SLC27A6: variants seen among roughly 807,000 people sequenced by gnomAD.
SLC27A6 encodes the protein long-chain fatty acid transport protein 6.
A neutral mutation model predicts 63.9 loss-of-function variants in SLC27A6; 74 were observed. The ratio of observed to expected loss-of-function variants is 1.16; its 90% CI spans 0.96 to 1.40. SLC27A6 has a LOEUF of 1.40. Among genes scored for constraint, SLC27A6 ranks in the 40% most tolerant of loss-of-function variants. SLC27A6 has a pLI of 0.00. For missense variants in SLC27A6, 794 were observed against 732.9 expected (o/e 1.08, Z -0.96); for synonymous variants, 287 against 260.8 (o/e 1.10, Z -0.97).
chr5:129,016,101 T>C (rs758666802), intron 5 of SLC27A6, 22 bp downstream of exon 5: 4 of 1,537,710 alleles, frequency 2.6e-6, no homozygotes, highest in South Asian at 2.4e-5. Flanking sequence ...ATTTTCCTTA[T>C]TAAAGAAATA....
intron 5 of SLC27A6, 64 bp downstream of exon 5, chr5:129,016,143 A>G: frequency 2.4e-6 from 3 of 1,230,168 alleles, no homozygotes; most frequent in Non-Finnish European, 3.4e-6. Context: ...CTGTAATCCC[A>G]ACACTTTGGG....
At chr5:129,031,923 G>C (rs544022474) in intron 9 of SLC27A6, among the ~76,000 whole-genome samples, 38 of 152,008 alleles carry the variant, frequency 2.5e-4, no homozygotes, top group African/African-American at 8.9e-4. Flanking sequence ...GGAGGGAAGG[G>C]AGATCAGGGA....
chr5:128,998,357 G>A (rs1469758281), intron 4 of SLC27A6, among the ~76,000 whole-genome samples: 5 of 151,408 alleles, frequency 3.3e-5, no homozygotes, highest in African/African-American at 1.2e-4. Flanking sequence ...TTTGTAGAAT[G>A]TATTTATAAA....
At chr5:129,020,208 C>G (rs1028326799) in intron 5 of SLC27A6, among the ~76,000 whole-genome samples, 4 of 152,062 alleles carry the variant, frequency 2.6e-5, no homozygotes, top group Non-Finnish European at 5.9e-5. Context: ...TCTCAAGTAT[C>G]AAGTCAACAA....
intron 1 of SLC27A6, among the ~76,000 whole-genome samples, chr5:128,981,849 T>C (rs1411281433): frequency 6.7e-6 from 1 of 149,854 alleles, no homozygotes; most frequent in Non-Finnish European, 1.5e-5. Context: ...AGTCTCACTC[T>C]GTCCCCTAAG....
In SLC27A6 at chr5:128,988,784, A is replaced by C. The variant is rs751465788; in HGVS notation, c.844+26A>C. On this transcript the variant is annotated intron_variant, in intron 3 of 9. Coordinates refer to ENST00000262462, the MANE Select transcript of SLC27A6 (RefSeq NM_001017372.3). ...GTAAGGCTTTATTTTCTTTTTGATA[A>C]GTTTTCAAAATGTCTAATAATTAGA... The C allele has an allele frequency of 1.9e-6, 3 of 1,571,112 alleles. No individual in the cohort carries two copies. In the South Asian group the frequency reaches 3.5e-5, roughly 18 times the overall value.
rs189136668 is a variant in SLC27A6 at position 129,032,634 on chromosome 5, G to A, written c.1684-472G>A. ...GTACCTCAAGTTTTAGACCATTCAA[G>A]TAACCCCTCTGGGTATATTTAAGCC... On this transcript the variant is annotated intron_variant, in intron 9 of 9. Coordinates refer to ENST00000262462, the MANE Select transcript of SLC27A6 (RefSeq NM_001017372.3). 6.7e-4 allele frequency among the ~76,000 whole-genome samples: 102 copies of A among 152,066 alleles called. 1 individual carries two copies. The highest frequency in any genetic ancestry group is 1.1e-3 in the Non-Finnish European group (78 of 67,920).
intron 4 of SLC27A6, among the ~76,000 whole-genome samples, chr5:129,002,429 C>A (rs1390091656): frequency 7.9e-6 from 1 of 126,406 alleles, no homozygotes; most frequent in Non-Finnish European, 1.8e-5. Context: ...CTGGTTTCCT[C>A]CCCACTCCCT....
At chr5:128,999,689 A>C (rs1298551017) in intron 4 of SLC27A6, among the ~76,000 whole-genome samples, 1 of 152,038 alleles carries the variant, frequency 6.6e-6, no homozygotes, top group African/African-American at 2.4e-5. Flanking sequence ...TTCCTTCAGT[A>C]CACCAGGACT....
intron 1 of SLC27A6, among the ~76,000 whole-genome samples, chr5:128,974,013 G>A (rs919640584): frequency 6.6e-5 from 10 of 152,180 alleles, no homozygotes; most frequent in African/African-American, 2.4e-4. Flanking sequence ...GCTAATAATT[G>A]ATAAGGCCGT....
intron 7 of SLC27A6, among the ~76,000 whole-genome samples, chr5:129,027,934 G>T (rs1375079276): frequency 6.6e-6 from 1 of 151,982 alleles, no homozygotes; most frequent in Non-Finnish European, 1.5e-5. Flanking sequence ...CAGAGTCAAA[G>T]GGGTTAACAC....
chr5:128,967,756 TTTA>T (rs144939162), intron 1 of SLC27A6, among the ~76,000 whole-genome samples: 36,512 of 151,848 alleles, frequency 0.24, 4,922 homozygotes, highest in Middle Eastern at 0.33. Flanking sequence ...CTTTTTCTTA[TTTA>T]TTATTATTTT....
Position 128,998,931 on chromosome 5 carries a change from A to G in SLC27A6, c.969+8467A>G, listed in dbSNP as rs1381669170. 2.0e-5 allele frequency among the ~76,000 whole-genome samples: 3 copies of G among 152,194 alleles called. No homozygotes were observed. In the East Asian group the frequency reaches 5.8e-4, roughly 29 times the overall value. On this transcript the variant is annotated intron_variant, in intron 4 of 9. Transcript: ENST00000262462. ...CAGCGGGGGTAAAACACAATGAATTAAGATCAAGGATTTAATGACAACTTT... is the reference window on the plus strand; with the variant it reads ...CAGCGGGGGTAAAACACAATGAATTGAGATCAAGGATTTAATGACAACTTT...
intron 2 of SLC27A6, among the ~76,000 whole-genome samples, chr5:128,986,857 T>A (rs1750805664): frequency 6.6e-6 from 1 of 152,118 alleles, no homozygotes; most frequent in South Asian, 2.1e-4. Context: ...CTGAAGCTTA[T>A]GGTGAAGCCT....
At chr5:129,027,025 A>T in intron 6 of SLC27A6, 108 bp from the exon 7 acceptor site, 1 of 869,422 alleles carries the variant, frequency 1.2e-6, no homozygotes, top group Non-Finnish European at 1.9e-6. Flanking sequence ...GAGGAAGCTG[A>T]GATAAGCAGC....
chr5:128,971,019 A>T (rs4629641), intron 1 of SLC27A6, among the ~76,000 whole-genome samples: 110,709 of 152,002 alleles, frequency 0.73, 40,342 homozygotes, highest in East Asian at 0.88. Context: ...TTATTTACCC[A>T]GTAGTCATTC....
intron 4 of SLC27A6, among the ~76,000 whole-genome samples, chr5:129,003,005 C>G (rs2150142916): frequency 6.6e-6 from 1 of 152,232 alleles, no homozygotes; most frequent in Non-Finnish European, 1.5e-5. Context: ...TCTATGTGCA[C>G]CCGAGTCTTC....
chr5:128,995,267 T>G (rs1751118271), intron 4 of SLC27A6, among the ~76,000 whole-genome samples: 1 of 152,214 alleles, frequency 6.6e-6, no homozygotes, highest in Non-Finnish European at 1.5e-5. Flanking sequence ...AGTCAACAGT[T>G]AGCCATATCT....
intron 4 of SLC27A6, among the ~76,000 whole-genome samples, chr5:129,000,317 C>T (rs113773727): frequency 3.9e-5 from 6 of 152,138 alleles, no homozygotes; most frequent in African/African-American, 1.2e-4. Flanking sequence ...TCCACTATTG[C>T]ATAAGTTCCA....
Sources: allele counts gnomAD v4.1 joint callset (sites outside exome capture counted in the v4.1 genomes callset), GRCh38; gene constraint gnomAD v4.1.1; transcripts MANE v1.5; gene names NCBI Gene and HGNC (gene_info 2026-07-23, HGNC 2026-07-21).